GALNT14: variants seen among roughly 807,000 people sequenced by gnomAD.
GALNT14 encodes polypeptide N-acetylgalactosaminyltransferase 14.
A neutral mutation model predicts 77.5 loss-of-function variants in GALNT14; 60 were observed. That is an observed-to-expected ratio of 0.77 (90% CI 0.63 to 0.96). GALNT14 has a LOEUF of 0.96. GALNT14 is among the 40% of genes least tolerant of loss of function. The probability of loss-of-function intolerance (pLI) is 0.00; values close to 1 mark genes in which losing one functional copy is unlikely to be tolerated. For missense variants in GALNT14, 710 were observed against 731.0 expected (o/e 0.97, Z 0.33); for synonymous variants, 280 against 281.7 (o/e 0.99, Z 0.06).
chr2:30,904,938 C>G, the GALNT14 span, among the ~76,000 whole-genome samples: 1 of 151,694 alleles, frequency 6.6e-6, no homozygotes, highest in Non-Finnish European at 1.5e-5. Context: ...GAGGCACCCC[C>G]CAGCAGGGGC....
intron 2 of GALNT14, among the ~76,000 whole-genome samples, chr2:30,969,050 C>T (rs953497649): frequency 1.3e-5 from 2 of 152,112 alleles, no homozygotes; most frequent in African/African-American, 4.8e-5. Flanking sequence ...GGGAAGGAGC[C>T]AGCATGGTCA....
chr2:30,951,341 C>A (rs1193911756), intron 6 of GALNT14, among the ~76,000 whole-genome samples: 1 of 152,048 alleles, frequency 6.6e-6, no homozygotes, highest in African/African-American at 2.4e-5. Context: ...ATCAAAAGGC[C>A]ACATGTTGTG....
intron 6 of GALNT14, among the ~76,000 whole-genome samples, chr2:30,948,732 C>G (rs909353683): frequency 2.6e-5 from 4 of 152,146 alleles, no homozygotes; most frequent in Non-Finnish European, 4.4e-5. Context: ...AAGCCATAAC[C>G]ATGATTCTAA....
intron 3 of GALNT14, among the ~76,000 whole-genome samples, chr2:30,962,784 G>C (rs1223898248): frequency 6.6e-6 from 1 of 152,184 alleles, no homozygotes; most frequent in Non-Finnish European, 1.5e-5. Context: ...AGCCTGTCCA[G>C]AATTCCAGAA....
chr2:31,102,419 AT>A (rs1284842047), intron 1 of GALNT14, among the ~76,000 whole-genome samples: 1 of 151,832 alleles, frequency 6.6e-6, no homozygotes, highest in Non-Finnish European at 1.5e-5. Context: ...TGCATTGAGT[AT>A]TTTTTGTTTT....
chr2:30,964,569 A>G (rs1667882959), intron 3 of GALNT14, among the ~76,000 whole-genome samples: 1 of 152,078 alleles, frequency 6.6e-6, no homozygotes, highest in Non-Finnish European at 1.5e-5. Flanking sequence ...GGGAAATCAA[A>G]TTTGAATCAG....
intron 13 of GALNT14, among the ~76,000 whole-genome samples, chr2:30,918,340 T>C (rs1020022263): frequency 6.6e-6 from 1 of 152,220 alleles, no homozygotes; most frequent in Admixed American, 6.5e-5. Context: ...GTTACTCAAC[T>C]CTGTACCACA....
At chr2:31,117,244 A>G (rs922696563) in intron 1 of GALNT14, among the ~76,000 whole-genome samples, 14 of 152,168 alleles carry the variant, frequency 9.2e-5, no homozygotes, top group Non-Finnish European at 2.1e-4. Context: ...GAAATTGAGA[A>G]ACATGCTCCT....
At chr2:30,989,635 T>A (rs1278193125) in intron 2 of GALNT14, among the ~76,000 whole-genome samples, 10 of 111,340 alleles carry the variant, frequency 9.0e-5, no homozygotes, top group African/African-American at 2.3e-4. Flanking sequence ...TATATAAAAA[T>A]ATATATATTA....
chr2:31,022,088 C>T (rs985705153), intron 1 of GALNT14, among the ~76,000 whole-genome samples: 3 of 152,158 alleles, frequency 2.0e-5, no homozygotes, highest in African/African-American at 7.2e-5. Context: ...AATACTGCCT[C>T]CTGGTCTTCT....
chr2:30,942,749 C>T (rs1666456816), intron 8 of GALNT14, among the ~76,000 whole-genome samples: 2 of 152,316 alleles, frequency 1.3e-5, no homozygotes, highest in Admixed American at 1.3e-4. Context: ...TGAGGCGGCA[C>T]TTGGTAGCAG....
At chr2:31,125,729 T>C (rs1678672488) in intron 1 of GALNT14, among the ~76,000 whole-genome samples, 1 of 152,246 alleles carries the variant, frequency 6.6e-6, no homozygotes, top group South Asian at 2.1e-4. Flanking sequence ...TCCTTTATTA[T>C]CAGCTGATCC....
intron 1 of GALNT14, among the ~76,000 whole-genome samples, chr2:31,099,030 G>T (rs888534519): frequency 6.6e-6 from 1 of 152,020 alleles, no homozygotes; most frequent in Non-Finnish European, 1.5e-5. Context: ...AAGTGAATCT[G>T]CATAGTTCAA....
At chr2:30,976,301 T>A (rs921821814) in intron 2 of GALNT14, among the ~76,000 whole-genome samples, 1 of 152,234 alleles carries the variant, frequency 6.6e-6, no homozygotes, top group African/African-American at 2.4e-5. Context: ...AAGGACCACA[T>A]GACTTAAAGA....
chr2:31,028,351 C>T (rs1428666144), intron 1 of GALNT14, among the ~76,000 whole-genome samples: 1 of 152,190 alleles, frequency 6.6e-6, no homozygotes, highest in Non-Finnish European at 1.5e-5. Flanking sequence ...CCCTCCTCCT[C>T]CCACCATGGC....
intron 1 of GALNT14, among the ~76,000 whole-genome samples, chr2:31,036,660 C>A (rs1558513257): frequency 6.6e-6 from 1 of 152,186 alleles, no homozygotes; most frequent in Non-Finnish European, 1.5e-5. Context: ...ACCTGAAAAT[C>A]TCTCTTTAGT....
chr2:31,101,731 T>C lies in GALNT14; in HGVS notation c.129+36227A>G, dbSNP rs566353110. Reference sequence around the variant, plus strand: ...AACTAGTAGTTTATTTTATTGTTGTTTTTTTCCCCATGATATGGTTTGGCT... The same window carrying C: ...AACTAGTAGTTTATTTTATTGTTGTCTTTTTCCCCATGATATGGTTTGGCT... On this transcript the variant is annotated intron_variant, in intron 1 of 14. Coordinates refer to ENST00000349752, the MANE Select transcript of GALNT14 (RefSeq NM_024572.4). Among the ~76,000 whole-genome samples, 7 of 152,156 alleles carry C rather than the reference T, an allele frequency of 4.6e-5. No homozygotes were observed. In the South Asian group the frequency reaches 1.5e-3, roughly 32 times the overall value.
intron 1 of GALNT14, among the ~76,000 whole-genome samples, chr2:31,063,126 T>C (rs1674709191): frequency 6.6e-6 from 1 of 152,236 alleles, no homozygotes; most frequent in Non-Finnish European, 1.5e-5. Context: ...AGTCATGAAG[T>C]CTTTGCCCAT....
At chr2:31,055,604 A>C (rs1674159116) in intron 1 of GALNT14, among the ~76,000 whole-genome samples, 1 of 152,186 alleles carries the variant, frequency 6.6e-6, no homozygotes, top group South Asian at 2.1e-4. Flanking sequence ...GGGTCCTGGA[A>C]GGAGCCCCCT....
Sources: gnomAD v4.1 joint callset for allele counts (sites outside exome capture counted in the v4.1 genomes callset) on GRCh38, gnomAD v4.1.1 for gene constraint, MANE v1.5 for transcripts, NCBI Gene and HGNC (gene_info 2026-07-23, HGNC 2026-07-21) for gene names.